Variants in PID1 observed in about 807,000 individuals in gnomAD.
PID1 encodes the protein PTB-containing, cubilin and LRP1-interacting protein.
A neutral mutation model predicts 19.1 loss-of-function variants in PID1; 10 were observed. The ratio of observed to expected loss-of-function variants is 0.52; its 90% CI spans 0.32 to 0.89. The LOEUF (loss-of-function observed/expected upper bound fraction) is 0.89, where lower values mean the gene tolerates loss of function less well. Ranked by LOEUF, PID1 falls within the 40% of genes least tolerant of loss-of-function variation. PID1 has a pLI of 0.03. For synonymous variants in PID1, 130 were observed against 116.0 expected, an observed-to-expected ratio of 1.12 and a Z score of -0.78; for missense variants, 248 against 285.3, an observed-to-expected ratio of 0.87 and a Z score of 0.94.
intron 2 of PID1, among the ~76,000 whole-genome samples, chr2:229,137,141 A>G (rs1226515483): frequency 6.6e-6 from 1 of 152,232 alleles, no homozygotes; most frequent in East Asian, 1.9e-4. Context: ...CTCTGCATAC[A>G]TTATCAGTTT....
intron 2 of PID1, among the ~76,000 whole-genome samples, chr2:229,127,248 CT>C (rs1393239441): frequency 1.3e-5 from 2 of 152,176 alleles, no homozygotes; most frequent in Non-Finnish European, 2.9e-5. Flanking sequence ...CATAACCTCT[CT>C]GTTTTCTGTT....
intron 2 of PID1, among the ~76,000 whole-genome samples, chr2:229,151,148 A>C (rs1223962224): frequency 1.3e-5 from 2 of 152,070 alleles, no homozygotes; most frequent in Non-Finnish European, 2.9e-5. Flanking sequence ...TGAGATCCTG[A>C]TACTGACCTA....
chr2:229,128,379 A>G (rs1198272243), intron 2 of PID1, among the ~76,000 whole-genome samples: 1 of 152,212 alleles, frequency 6.6e-6, no homozygotes, highest in Non-Finnish European at 1.5e-5. Context: ...GTTGTATTCC[A>G]GTAATTAGGG....
chr2:229,263,994 T>G (rs770102591), intron 1 of PID1, among the ~76,000 whole-genome samples: 4 of 152,178 alleles, frequency 2.6e-5, no homozygotes, highest in Admixed American at 6.5e-5. Context: ...TCTCCATACT[T>G]GGAAATGAGT....
chr2:229,072,532 G>A (rs1694477465), intron 2 of PID1, among the ~76,000 whole-genome samples: 2 of 151,754 alleles, frequency 1.3e-5, no homozygotes, highest in Admixed American at 6.6e-5. Context: ...AGGTTGCAGT[G>A]AGCTAAGATC....
chr2:229,077,726 T>C (rs1288634357), intron 2 of PID1, among the ~76,000 whole-genome samples: 1 of 152,198 alleles, frequency 6.6e-6, no homozygotes, highest in Non-Finnish European at 1.5e-5. Context: ...AGACCTCTGT[T>C]CTGTTCCATT....
intron 2 of PID1, among the ~76,000 whole-genome samples, chr2:229,059,829 T>C (rs1163006728): frequency 7.9e-5 from 12 of 152,124 alleles, no homozygotes; most frequent in Admixed American, 6.5e-4. Context: ...GCACAGACCA[T>C]GTGCCAAGCA....
At chr2:229,133,560 T>C (rs917378285) in intron 2 of PID1, among the ~76,000 whole-genome samples, 13 of 152,314 alleles carry the variant, frequency 8.5e-5, no homozygotes, top group African/African-American at 3.1e-4. Flanking sequence ...AGTACAGAAG[T>C]TTGATTTCAT....
At chr2:229,131,963 G>C (rs1185564814) in intron 2 of PID1, among the ~76,000 whole-genome samples, 1 of 151,932 alleles carries the variant, frequency 6.6e-6, no homozygotes, top group Non-Finnish European at 1.5e-5. Flanking sequence ...CTCTAGAGCA[G>C]GATTAAGCTA....
chr2:229,043,084 C>T (rs184992970), intron 2 of PID1, among the ~76,000 whole-genome samples: 9 of 151,602 alleles, frequency 5.9e-5, no homozygotes, highest in African/African-American at 1.9e-4. Flanking sequence ...TGGATCACTG[C>T]CACCTCCAAT....
At chr2:229,230,790 C>T (rs1180089582) in intron 1 of PID1, among the ~76,000 whole-genome samples, 1 of 152,118 alleles carries the variant, frequency 6.6e-6, no homozygotes, top group African/African-American at 2.4e-5. Context: ...ATTTTATACA[C>T]ACACACACAT....
At chr2:229,220,209 G>A (rs1236729701) in intron 1 of PID1, among the ~76,000 whole-genome samples, 4 of 152,092 alleles carry the variant, frequency 2.6e-5, no homozygotes, top group African/African-American at 9.6e-5. Context: ...TGTATAGACA[G>A]AGTCTTACTA....
chr2:229,051,259 G>T (rs12694799), intron 2 of PID1, among the ~76,000 whole-genome samples: 79,665 of 152,012 alleles, frequency 0.52, 21,673 homozygotes, highest in East Asian at 0.67. Flanking sequence ...AAATTTAATC[G>T]ACTAAAACAG....
chr2:229,101,531 A>C (rs1695074241), intron 2 of PID1, among the ~76,000 whole-genome samples: 1 of 152,216 alleles, frequency 6.6e-6, no homozygotes, highest in African/African-American at 2.4e-5. Context: ...ATTCACTCTA[A>C]CTATGGGCCA....
intron 1 of PID1, among the ~76,000 whole-genome samples, chr2:229,169,939 C>T (rs958518673): frequency 3.3e-5 from 5 of 152,132 alleles, no homozygotes; most frequent in African/African-American, 4.8e-5. Flanking sequence ...CAGAGCCACA[C>T]GCTTCAAAGA....
intron 2 of PID1, among the ~76,000 whole-genome samples, chr2:229,036,260 G>A (rs1031674022): frequency 6.6e-6 from 1 of 152,124 alleles, no homozygotes; most frequent in African/African-American, 2.4e-5. Flanking sequence ...GAGCAGGCCT[G>A]GGCATCCTTT....
rs146509027 is a variant in PID1, at chr2:229,172,892, C to T, written c.31-16928G>A. 5.2e-3 allele frequency among the ~76,000 whole-genome samples: 787 copies of T among 152,100 alleles called. 5 individuals are homozygous for T. The highest frequency in any genetic ancestry group is 0.018 in the African/African-American group (740 of 41,476). ...GATTACAAGTGCGTGCCACCATGCC[C>T]GGCTGATTTTTTGTATTTTTAGTAG... On this transcript the variant is annotated intron_variant, in intron 1 of 2. Coordinates refer to ENST00000392055, the MANE Select transcript of PID1 (RefSeq NM_001100818.2).
chr2:229,129,271 G>A (rs889143635), intron 2 of PID1, among the ~76,000 whole-genome samples: 10 of 152,066 alleles, frequency 6.6e-5, no homozygotes, highest in East Asian at 1.9e-4. Flanking sequence ...AAAATTAACC[G>A]GGCATGGTGG....
At chr2:229,074,976 T>G (rs774636132) in intron 2 of PID1, among the ~76,000 whole-genome samples, 4 of 152,206 alleles carry the variant, frequency 2.6e-5, no homozygotes, top group Non-Finnish European at 5.9e-5. Flanking sequence ...TGACTTACAA[T>G]GGGGTTGCAT....
Sources: allele counts gnomAD v4.1 joint callset (sites outside exome capture counted in the v4.1 genomes callset), GRCh38; gene constraint gnomAD v4.1.1; transcripts MANE v1.5; gene names NCBI Gene and HGNC (gene_info 2026-07-23, HGNC 2026-07-21).